CNR2: variants seen among roughly 807,000 people sequenced by gnomAD.
The protein encoded by CNR2 is cannabinoid receptor 2.
For missense variants in CNR2, 379 were observed against 439.9 expected, an observed-to-expected ratio of 0.86 and a Z score of 1.24; for synonymous variants, 172 against 182.2, an observed-to-expected ratio of 0.94 and a Z score of 0.45.
At chr1:23,908,674 T>C (rs1275547418) in intron 1 of CNR2, among the ~76,000 whole-genome samples, 5 of 152,006 alleles carry the variant, frequency 3.3e-5, no homozygotes, top group Non-Finnish European at 5.9e-5. Flanking sequence ...AATGGGCCCA[T>C]TGGAAGGGAG....
intron 1 of CNR2, among the ~76,000 whole-genome samples, chr1:23,882,091 T>C (rs138023131): frequency 0.012 from 1,762 of 151,816 alleles, 15 homozygotes; most frequent in Admixed American, 0.016. Flanking sequence ...CCAGCTAATT[T>C]TTTGTATTTT....
intron 1 of CNR2, chr1:23,901,932 G>C: frequency 1.2e-6 from 2 of 1,602,164 alleles, no homozygotes; most frequent in Non-Finnish European, 1.7e-6. Flanking sequence ...TGCGGGGTGA[G>C]GCCCTTCCTC....
At chr1:23,885,942 C>A (rs1640081891) in intron 1 of CNR2, among the ~76,000 whole-genome samples, 1 of 151,474 alleles carries the variant, frequency 6.6e-6, no homozygotes. Context: ...GTAATCCCAG[C>A]ACTCTGGGAG....
At chr1:23,901,345 G>T in intron 1 of CNR2, 2 of 839,196 alleles carry the variant, frequency 2.4e-6, no homozygotes, top group Non-Finnish European at 3.6e-6. Flanking sequence ...ACAGAATCAA[G>T]CTTCAGTTGA....
intron 1 of CNR2, among the ~76,000 whole-genome samples, chr1:23,908,972 C>T (rs1174264987): frequency 6.6e-6 from 1 of 152,004 alleles, no homozygotes; most frequent in Non-Finnish European, 1.5e-5. Context: ...CTTTGACTCA[C>T]TGTATGAGCA....
Position 23,875,436 on chromosome 1 carries a change from G to T in CNR2, c.182C>A (p.Ser61Tyr). 2 of 1,614,216 alleles carry T rather than the reference G, an allele frequency of 1.2e-6. No homozygotes were observed. Among genetic ancestry groups the T allele is most frequent in the Non-Finnish European group, 1.7e-6 (2 of 1,180,038 alleles). Residue 61 changes from serine (S) to tyrosine (Y), a missense_variant, in exon 2 of 2, where the codon TCC becomes TAC. By Grantham distance (144) the Ser-to-Tyr change is moderately radical. Coordinates refer to ENST00000374472, the MANE Select transcript of CNR2 (RefSeq NM_001841.3). ...TGAGGGCTTCCGGCGGAGTTGGTGG[G>T]AGGACAGGATCAGATAGAGCACAGC... is the stretch of plus-strand genomic sequence containing the variant. ...NVAVLYLILS[S>Y]HQLRRKPSYL...
Position 23,871,659 on chromosome 1 carries a change from A to ACT in CNR2, c.*2874_*2875dup, listed in dbSNP as rs1639767200. ...CCACTCAACACAGCCCAGTGGGTGGACTTTGTTCCTGGGTCTGTACTGAGT... is the reference window on the plus strand; with the variant it reads ...CCACTCAACACAGCCCAGTGGGTGGACTCTTTGTTCCTGGGTCTGTACTGAGT... On this transcript the variant is annotated 3_prime_UTR_variant, in exon 2 of 2. Transcript: ENST00000374472. 1 of 152,166 alleles carries ACT rather than the reference A, an allele frequency of 6.6e-6. No homozygotes were observed. Among genetic ancestry groups the ACT allele is most frequent in the Admixed American group, 6.6e-5 (1 of 15,266 alleles). The allele number at this position is 152,166 out of a possible 1,614,324, so 9.4% of individuals were successfully genotyped here.
In CNR2 at chr1:23,874,515, TA is replaced by T; in HGVS notation, c.*19del. On this transcript the variant is annotated 3_prime_UTR_variant, in exon 2 of 2. Transcript: ENST00000374472. ...GAACTGATTTCTGACTTGAGTTGTTTAAATTGGGAAGAGGCCTCATCAGCAA... is the reference window on the plus strand; with the variant it reads ...GAACTGATTTCTGACTTGAGTTGTTTAATTGGGAAGAGGCCTCATCAGCAA... The T allele has an allele frequency of 6.3e-7, 1 of 1,598,060 alleles. No homozygotes were observed. Among genetic ancestry groups the T allele is most frequent in the African/African-American group, 1.3e-5 (1 of 74,214 alleles).
chr1:23,910,654 C>CAAAAAAAA (rs34083515), intron 1 of CNR2, among the ~76,000 whole-genome samples: 2 of 32,182 alleles, frequency 6.2e-5, no homozygotes, highest in African/African-American at 3.4e-4. Flanking sequence ...AACGCTGTCT[C>CAAAAAAAA]AAAAAAAAAA....
intron 1 of CNR2, among the ~76,000 whole-genome samples, chr1:23,888,690 G>T (rs889910019): frequency 2.0e-5 from 3 of 152,152 alleles, no homozygotes; most frequent in African/African-American, 7.2e-5. Flanking sequence ...AAGAAAAAAG[G>T]CCAGGCGCGG....
At chr1:23,901,418 T>G in intron 1 of CNR2, 1 of 1,450,608 alleles carries the variant, frequency 6.9e-7, no homozygotes, top group Non-Finnish European at 9.3e-7. Context: ...GCAGTTAGTG[T>G]CCTGATTTCC....
Position 23,875,089 on chromosome 1 carries a change from T to C in CNR2, c.529A>G (p.Arg177Gly). ...LPLMGWTCCP[R>G]PCSELFPLIP... The stretch of plus-strand genomic sequence containing the variant: ...AGTGGGAAAAGCTCAGAGCAGGGCC[T>C]GGGACAGCAAGTCCATCCCATGAGG... Residue 177 changes from arginine to glycine, a missense_variant, in exon 2 of 2, where the codon AGG becomes GGG. By Grantham distance (125) the Arg-to-Gly change is moderately radical. Coordinates refer to ENST00000374472, the MANE Select transcript of CNR2 (RefSeq NM_001841.3). The C allele has an allele frequency of 6.2e-7, 1 of 1,600,506 alleles. No homozygotes were observed. Among genetic ancestry groups the C allele is most frequent in the Non-Finnish European group, 8.5e-7 (1 of 1,172,894 alleles).
intron 1 of CNR2, among the ~76,000 whole-genome samples, chr1:23,880,297 C>T (rs1391688464): frequency 1.3e-5 from 2 of 150,514 alleles, no homozygotes; most frequent in Non-Finnish European, 2.9e-5. Context: ...CTTGCCTCAG[C>T]CTCCCGAGTA....
At chr1:23,896,165 G>T (rs1427446109) in intron 1 of CNR2, among the ~76,000 whole-genome samples, 3 of 152,126 alleles carry the variant, frequency 2.0e-5, no homozygotes, top group African/African-American at 2.4e-5. Context: ...ACCACACCCT[G>T]CCAGGCCCTA....
chr1:23,900,333 G>A (rs1341203947), intron 1 of CNR2, among the ~76,000 whole-genome samples: 1 of 151,552 alleles, frequency 6.6e-6, no homozygotes, highest in African/African-American at 2.4e-5. Context: ...ATAAAATTCC[G>A]GTCTCCCGCA....
intron 1 of CNR2, among the ~76,000 whole-genome samples, chr1:23,891,159 C>T (rs911403516): frequency 5.9e-5 from 9 of 151,852 alleles, no homozygotes; most frequent in South Asian, 2.1e-4. Context: ...AGATTACAGG[C>T]GTGAGCCACT....
At chr1:23,885,594 C>T (rs534444469) in intron 1 of CNR2, among the ~76,000 whole-genome samples, 1 of 152,196 alleles carries the variant, frequency 6.6e-6, no homozygotes, top group South Asian at 2.1e-4. Flanking sequence ...GAATGATATG[C>T]CTGGGCCGGG....
chr1:23,910,128 T>A (rs1313257873), intron 1 of CNR2, among the ~76,000 whole-genome samples: 1 of 145,442 alleles, frequency 6.9e-6, no homozygotes, highest in African/African-American at 2.5e-5. Flanking sequence ...TTTAATTTTT[T>A]TTTTTTTTTT....
At chr1:23,894,343 C>T (rs1274506652) in intron 1 of CNR2, among the ~76,000 whole-genome samples, 1 of 151,906 alleles carries the variant, frequency 6.6e-6, no homozygotes, top group African/African-American at 2.4e-5. Flanking sequence ...ATCACTTGAA[C>T]TTGGGAGGTG....
Sources: allele counts gnomAD v4.1 joint callset (sites outside exome capture counted in the v4.1 genomes callset), GRCh38; gene constraint gnomAD v4.1.1; transcripts MANE v1.5; gene names NCBI Gene and HGNC (gene_info 2026-07-23, HGNC 2026-07-21).